The following CADM1 variants were observed in gnomAD, a reference collection of about 807,000 sequenced individuals.
The protein encoded by CADM1 is cell adhesion molecule 1, also known as TSLC-1.
A neutral mutation model predicts 53.1 loss-of-function variants in CADM1; 15 were observed. The ratio of observed to expected loss-of-function variants is 0.28; its 90% CI spans 0.19 to 0.44. The LOEUF is 0.44. Ranked by LOEUF, CADM1 falls within the 20% of genes least tolerant of loss-of-function variation. CADM1 has a pLI of 1.00. For synonymous variants in CADM1, 281 were observed against 243.0 expected, an observed-to-expected ratio of 1.16 and a Z score of -1.45; for missense variants, 434 against 611.3, an observed-to-expected ratio of 0.71 and a Z score of 3.06.
intron 1 of CADM1, among the ~76,000 whole-genome samples, chr11:115,453,568 G>A (rs559981620): frequency 2.0e-4 from 30 of 152,052 alleles, no homozygotes; most frequent in African/African-American, 5.8e-4. Flanking sequence ...ACAGGATCTC[G>A]GCTCACTAAA....
At chr11:115,372,652 A>G (rs2135128701) in intron 1 of CADM1, among the ~76,000 whole-genome samples, 1 of 152,346 alleles carries the variant, frequency 6.6e-6, no homozygotes, top group Non-Finnish European at 1.5e-5. Context: ...GTCTGATCTT[A>G]TGGTGTAGTC....
intron 1 of CADM1, among the ~76,000 whole-genome samples, chr11:115,395,745 G>A (rs992690575): frequency 3.3e-5 from 5 of 152,046 alleles, no homozygotes; most frequent in African/African-American, 1.2e-4. Flanking sequence ...GTTCAAACAT[G>A]GAAGAAGAGG....
chr11:115,282,901 A>G (rs1232862427), intron 1 of CADM1, among the ~76,000 whole-genome samples: 4 of 152,202 alleles, frequency 2.6e-5, no homozygotes, highest in African/African-American at 9.7e-5. Flanking sequence ...CAGGGTTTAT[A>G]GTAAAATACA....
chr11:115,252,922 T>C (rs1591644583), intron 1 of CADM1, among the ~76,000 whole-genome samples: 1 of 152,360 alleles, frequency 6.6e-6, no homozygotes, highest in East Asian at 1.9e-4. Flanking sequence ...TCTATGCTTC[T>C]ATACAGGGAG....
chr11:115,182,610 G>A (rs1939363170), intron 10 of CADM1, among the ~76,000 whole-genome samples: 1 of 152,152 alleles, frequency 6.6e-6, no homozygotes, highest in Non-Finnish European at 1.5e-5. Flanking sequence ...CCCTGTAAAG[G>A]TTATTGTGTA....
intron 1 of CADM1, among the ~76,000 whole-genome samples, chr11:115,331,508 G>C (rs1033874841): frequency 6.6e-6 from 1 of 152,044 alleles, no homozygotes; most frequent in Admixed American, 6.6e-5. Flanking sequence ...TCCAACTAAT[G>C]TCCTAAACTT....
intron 2 of CADM1, among the ~76,000 whole-genome samples, chr11:115,239,713 G>GA (rs1942149587): frequency 1.4e-5 from 2 of 143,116 alleles, no homozygotes; most frequent in South Asian, 4.4e-4. Context: ...ACAGTTTTTG[G>GA]TTTTTTTTTT....
At chr11:115,182,216 C>G (rs187254809) in intron 10 of CADM1, among the ~76,000 whole-genome samples, 4 of 152,308 alleles carry the variant, frequency 2.6e-5, no homozygotes, top group Middle Eastern at 3.4e-3. Context: ...GATTCTACAG[C>G]TGCCCCTAGC....
At chr11:115,369,215 A>G (rs994925195) in intron 1 of CADM1, among the ~76,000 whole-genome samples, 2 of 152,068 alleles carry the variant, frequency 1.3e-5, no homozygotes, top group Middle Eastern at 3.2e-3. Context: ...TGCCACTAAA[A>G]GAAAGCTAAT....
intron 1 of CADM1, among the ~76,000 whole-genome samples, chr11:115,426,242 G>C (rs1187903164): frequency 1.3e-5 from 2 of 152,208 alleles, no homozygotes; most frequent in Non-Finnish European, 2.9e-5. Flanking sequence ...CCTCTTGCCA[G>C]TGGGTTAAAA....
At chr11:115,448,582 T>C (rs11215565) in intron 1 of CADM1, among the ~76,000 whole-genome samples, 1,567 of 132,466 alleles carry the variant, frequency 0.012, 27 homozygotes, top group African/African-American at 0.042. Flanking sequence ...TTTCAACTCA[T>C]AAACTGCAAT....
chr11:115,418,194 G>C (rs1381461647), intron 1 of CADM1, among the ~76,000 whole-genome samples: 1 of 152,106 alleles, frequency 6.6e-6, no homozygotes, highest in African/African-American at 2.4e-5. Flanking sequence ...GTCACTTGTG[G>C]CTCAATGGTT....
At chr11:115,458,117 GTCTCTC>G (rs4019424) in intron 1 of CADM1, among the ~76,000 whole-genome samples, 39 of 149,328 alleles carry the variant, frequency 2.6e-4, no homozygotes, top group South Asian at 4.2e-4. Flanking sequence ...GGATACTAAA[GTCTCTC>G]TCTCTCTCTC....
rs1946208402 is a variant in CADM1 at position 115,367,915 on chromosome 11, C to T, written c.125-127495G>A. Reference sequence around the variant, plus strand: ...ATAAGTTTTTTTAACAACTTGTTTACATTAACTTTTAAGACTGAGATTGAA... The same window carrying T: ...ATAAGTTTTTTTAACAACTTGTTTATATTAACTTTTAAGACTGAGATTGAA... On this transcript the variant is annotated intron_variant, in intron 1 of 11. Coordinates refer to ENST00000331581, the MANE Select transcript of CADM1 (RefSeq NM_001301043.2). Among the ~76,000 whole-genome samples, 3 of 152,018 alleles carry T rather than the reference C, an allele frequency of 2.0e-5. No homozygotes were observed. The South Asian group carries it at 6.2e-4, about 32-fold the overall frequency.
At chr11:115,309,348 T>G (rs1462499520) in intron 1 of CADM1, among the ~76,000 whole-genome samples, 1 of 152,144 alleles carries the variant, frequency 6.6e-6, no homozygotes, top group African/African-American at 2.4e-5. Flanking sequence ...AGATTAGCTT[T>G]AACCCATGGG....
intron 1 of CADM1, among the ~76,000 whole-genome samples, chr11:115,469,688 TCGAGACAGAG>T (rs1948969570): frequency 6.7e-6 from 1 of 149,490 alleles, no homozygotes; most frequent in Admixed American, 6.7e-5. Context: ...TTTTTTTTTT[TCGAGACAGAG>T]TCTCTCTCTG....
At chr11:115,258,456 A>T (rs1401879458) in intron 1 of CADM1, among the ~76,000 whole-genome samples, 2 of 152,224 alleles carry the variant, frequency 1.3e-5, no homozygotes, top group East Asian at 3.9e-4. Flanking sequence ...AGGCTCAATG[A>T]AAGGCCTGTG....
At chr11:115,215,868 G>A (rs1015865524) in intron 6 of CADM1, among the ~76,000 whole-genome samples, 1 of 152,164 alleles carries the variant, frequency 6.6e-6, no homozygotes, top group Non-Finnish European at 1.5e-5. Context: ...GCAGCGACAC[G>A]ACAAGAGACC....
chr11:115,201,351 C>T (rs973016781), intron 8 of CADM1, among the ~76,000 whole-genome samples: 1 of 152,128 alleles, frequency 6.6e-6, no homozygotes, highest in East Asian at 1.9e-4. Context: ...ATTAAGAAAA[C>T]ATTCTTTAGA....
Sources: gnomAD v4.1 joint callset for allele counts (sites outside exome capture counted in the v4.1 genomes callset) on GRCh38, gnomAD v4.1.1 for gene constraint, MANE v1.5 for transcripts, NCBI Gene and HGNC (gene_info 2026-07-23, HGNC 2026-07-21) for gene names.